Variants in CAMK1D observed in about 807,000 individuals in gnomAD.
The protein encoded by CAMK1D is calcium/calmodulin dependent protein kinase ID, also known as calcium/calmodulin-dependent protein kinase type 1D.
Under a neutral mutation model 47.7 loss-of-function variants are expected in CAMK1D, and 9 were observed. The observed-to-expected ratio is 0.19, with a 90% CI of 0.11 to 0.33. The LOEUF (loss-of-function observed/expected upper bound fraction) is 0.33, where lower values mean the gene tolerates loss of function less well. CAMK1D is among the 10% of genes least tolerant of loss of function. The pLI is 1.00. For missense variants in CAMK1D, 291 were observed against 488.7 expected, an observed-to-expected ratio of 0.60 and a Z score of 3.81; for synonymous variants, 184 against 184.9, an observed-to-expected ratio of 0.99 and a Z score of 0.04.
chr10:12,547,909 C>T (rs1270851749), intron 1 of CAMK1D, among the ~76,000 whole-genome samples: 1 of 152,150 alleles, frequency 6.6e-6, no homozygotes, highest in Non-Finnish European at 1.5e-5. Context: ...CGGGTCAATG[C>T]ACATTGTTTG....
At chr10:12,425,288 T>TTTCTTTC (rs1564332159) in intron 1 of CAMK1D, among the ~76,000 whole-genome samples, 5 of 102,648 alleles carry the variant, frequency 4.9e-5, no homozygotes, top group African/African-American at 1.1e-4. Context: ...TTCTTTCTTT[T>TTTCTTTC]TTTTTTTTTT....
intron 3 of CAMK1D, among the ~76,000 whole-genome samples, chr10:12,739,442 A>ATTTTTTTTTT (rs1186963710): frequency 7.8e-6 from 1 of 127,728 alleles, no homozygotes; most frequent in Non-Finnish European, 1.7e-5. Flanking sequence ...CACCCGGCTA[A>ATTTTTTTTTT]TTTTTTTTTT....
In CAMK1D at chr10:12,423,523, AAAG is replaced by A. The variant is rs374028627; in HGVS notation, c.92+73616_92+73618del. Among the ~76,000 whole-genome samples the A allele has an allele frequency of 2.1e-3, 319 of 151,428 alleles. 1 individual carries two copies. Among genetic ancestry groups the A allele is most frequent in the African/African-American group, 7.3e-3 (302 of 41,198 alleles). On this transcript the variant is annotated intron_variant, in intron 1 of 10. Transcript: ENST00000619168. ...GAGTGAGTCTGTTTCTAAAGAAAAA[AAAG>A]AAAGAAAGGCCCCTTCAATTCTACC...
Position 12,679,184 on chromosome 10 carries a change from A to G in CAMK1D, c.299+12374A>G, listed in dbSNP as rs139129401. On this transcript the variant is annotated intron_variant, in intron 3 of 10. Transcript: ENST00000619168. ...TCTAATAAGTTCTTTAAGTATGTAC[A>G]GTTTAAAAATTCCATACATTATATG... 3.6e-3 allele frequency among the ~76,000 whole-genome samples: 547 copies of G among 152,374 alleles called. 7 individuals carry two copies. Among genetic ancestry groups the G allele is most frequent in the Admixed American group, 0.019 (288 of 15,304 alleles).
rs563798169 is a variant in CAMK1D, at chr10:12,363,989, A to T, written c.92+14079A>T. ...GCCAGAAGTGGAATTGCTGGATCAG[A>T]TGGTCATTCTGTGTTTTATTTTTTC... On this transcript the variant is annotated intron_variant, in intron 1 of 10. Coordinates refer to ENST00000619168, the MANE Select transcript of CAMK1D (RefSeq NM_153498.4). Among the ~76,000 whole-genome samples, 3 of 152,106 alleles carry T rather than the reference A, an allele frequency of 2.0e-5. No homozygotes were observed. The South Asian group carries it at 6.2e-4, about 32-fold the overall frequency.
At chr10:12,485,292 GGGAGCAGAAGGA>G (rs2132107535) in intron 1 of CAMK1D, among the ~76,000 whole-genome samples, 1 of 152,300 alleles carries the variant, frequency 6.6e-6, no homozygotes, top group African/African-American at 2.4e-5. Context: ...GCTGTCCCTG[GGGAGCAGAAGGA>G]CTGTGGCCAG....
At chr10:12,486,553 G>A (rs933097435) in intron 1 of CAMK1D, among the ~76,000 whole-genome samples, 5 of 89,868 alleles carry the variant, frequency 5.6e-5, no homozygotes, top group East Asian at 2.7e-4. Context: ...ACACACACAC[G>A]TACAGACACT....
intron 2 of CAMK1D, among the ~76,000 whole-genome samples, chr10:12,649,797 CT>C (rs1330254877): frequency 6.6e-6 from 1 of 152,202 alleles, no homozygotes; most frequent in African/African-American, 2.4e-5. Flanking sequence ...CATTTACACT[CT>C]GGTCAAATGG....
intron 1 of CAMK1D, among the ~76,000 whole-genome samples, chr10:12,439,404 A>G (rs540078311): frequency 5.4e-4 from 82 of 151,986 alleles, no homozygotes; most frequent in African/African-American, 2.0e-3. Context: ...ATGTCCCTTT[A>G]TTTTTTTCAG....
chr10:12,825,794 G>T, intron 10 of CAMK1D, 104 bp downstream of exon 10: 1 of 1,576,692 alleles, frequency 6.3e-7, no homozygotes, highest in Admixed American at 1.9e-5. Context: ...TTTGCCAGGC[G>T]CTTTCTATAC....
intron 1 of CAMK1D, among the ~76,000 whole-genome samples, chr10:12,446,749 G>T (rs1832936332): frequency 6.6e-6 from 1 of 152,190 alleles, no homozygotes; most frequent in African/African-American, 2.4e-5. Flanking sequence ...CAAGCTCTAT[G>T]CCGGTGATTC....
intron 3 of CAMK1D, among the ~76,000 whole-genome samples, chr10:12,710,263 A>G (rs1011965337): frequency 2.0e-5 from 3 of 152,222 alleles, no homozygotes; most frequent in African/African-American, 7.2e-5. Context: ...CAACAGCTGG[A>G]TCCCGACGTA....
chr10:12,689,028 A>G (rs1832768514), intron 3 of CAMK1D, among the ~76,000 whole-genome samples: 1 of 152,180 alleles, frequency 6.6e-6, no homozygotes, highest in Admixed American at 6.5e-5. Context: ...TCTGAGGGAG[A>G]AAATATTAAG....
intron 1 of CAMK1D, among the ~76,000 whole-genome samples, chr10:12,448,601 A>G (rs1213084915): frequency 6.6e-6 from 1 of 152,232 alleles, no homozygotes; most frequent in Non-Finnish European, 1.5e-5. Context: ...GAGAAGAGTC[A>G]AGCAGTACTT....
At chr10:12,816,102 C>G (rs1413157990) in intron 7 of CAMK1D, 148 bp from the exon 8 acceptor site, 3 of 568,132 alleles carry the variant, frequency 5.3e-6, no homozygotes, top group Non-Finnish European at 9.4e-6. Context: ...ACGCTGGTGC[C>G]TTTGTGTCCA....
rs1017396052 is a variant in CAMK1D, at chr10:12,656,059, C to G, written c.225-10677C>G. Among the ~76,000 whole-genome samples, 4 of 152,318 alleles carry G rather than the reference C, an allele frequency of 2.6e-5. No individual in the cohort carries two copies. The East Asian group carries it at 7.7e-4, about 29-fold the overall frequency. ...AGTTGGAAGAGACCTTGGGGACTTT[C>G]TGGTCTGGCTGGTTGATTTCTAGAC... On this transcript the variant is annotated intron_variant, in intron 2 of 10. Coordinates refer to ENST00000619168, the MANE Select transcript of CAMK1D (RefSeq NM_153498.4).
chr10:12,555,378 AGGTCT>A (rs796077863), intron 2 of CAMK1D, among the ~76,000 whole-genome samples: 2 of 152,356 alleles, frequency 1.3e-5, no homozygotes, highest in African/African-American at 4.8e-5. Flanking sequence ...GAGAACAAAC[AGGTCT>A]CTTTAACTTT....
chr10:12,646,041 A>G (rs1173628228), intron 2 of CAMK1D, among the ~76,000 whole-genome samples: 2 of 152,098 alleles, frequency 1.3e-5, no homozygotes, highest in East Asian at 1.9e-4. Flanking sequence ...CACTGAACAG[A>G]AAATAAATTG....
At chr10:12,735,687 C>T (rs1835156686) in intron 3 of CAMK1D, among the ~76,000 whole-genome samples, 1 of 152,120 alleles carries the variant, frequency 6.6e-6, no homozygotes, top group African/African-American at 2.4e-5. Flanking sequence ...ATTGTCCTGC[C>T]ATGACCTTGA....
Sources: gnomAD v4.1 joint callset for allele counts (sites outside exome capture counted in the v4.1 genomes callset) on GRCh38, gnomAD v4.1.1 for gene constraint, MANE v1.5 for transcripts, NCBI Gene and HGNC (gene_info 2026-07-23, HGNC 2026-07-21) for gene names.